ARF3: variants seen among roughly 807,000 people sequenced by gnomAD.
ARF3 encodes the protein ARF GTPase 3, also known as ADP-ribosylation factor 3.
A neutral mutation model predicts 19.3 loss-of-function variants in ARF3; 5 were observed. The observed-to-expected ratio is 0.26, with a 90% CI of 0.14 to 0.54. The LOEUF is 0.54. Ranked by LOEUF, ARF3 falls within the 20% of genes least tolerant of loss-of-function variation. ARF3 has a pLI of 0.95. For synonymous variants in ARF3, 71 were observed against 89.2 expected (o/e 0.80, Z 1.15); for missense variants, 77 against 234.2 (o/e 0.33, Z 4.38).
chr12:48,949,159 G>A (rs1278668205), intron 1 of ARF3, among the ~76,000 whole-genome samples: 1 of 152,242 alleles, frequency 6.6e-6, no homozygotes, highest in African/African-American at 2.4e-5. Flanking sequence ...CTAGGGCTGG[G>A]TGGCATTTCT....
chr12:48,957,145 G>C (rs891453245), intron 1 of ARF3, 165 bp downstream of exon 1: 1 of 151,538 alleles, frequency 6.6e-6, no homozygotes, highest in East Asian at 2.0e-4. Context: ...GGGCAGGCGT[G>C]AAGCTGGCCC....
At position 48,938,504 on chromosome 12, in the gene ARF3, A is replaced by G; in HGVS notation, c.*443T>C. ...CGCACACATGCACGCAAACACAGAG[A>G]GGCCCGTGCAATTTCCATGTAAAAC... On this transcript the variant is annotated 3_prime_UTR_variant, in exon 5 of 5. Coordinates refer to ENST00000256682, the MANE Select transcript of ARF3 (RefSeq NM_001659.3). 2.2e-6 allele frequency: 1 copy of G among 451,454 alleles called. No individual in the cohort carries two copies. 28.0% of individuals were successfully genotyped at this position (451,454 alleles called of 1,614,324 possible).
At position 48,938,875 on chromosome 12, in the gene ARF3, G is replaced by A; in HGVS notation, c.*72C>T. On this transcript the variant is annotated 3_prime_UTR_variant, in exon 5 of 5. Transcript: ENST00000256682. Reference sequence around the variant, plus strand: ...GGCCACACTTGCATGGAGAGGAAGGGGTAGGACTGGGGCAGGGTGACAGTA... The same window carrying A: ...GGCCACACTTGCATGGAGAGGAAGGAGTAGGACTGGGGCAGGGTGACAGTA... 6.4e-7 allele frequency: 1 copy of A among 1,562,138 alleles called. No individual in the cohort carries two copies. The highest frequency in any genetic ancestry group is 1.2e-5 in the South Asian group (1 of 82,250).
chr12:48,954,747 TG>T (rs1173925434), intron 1 of ARF3, among the ~76,000 whole-genome samples: 3 of 152,182 alleles, frequency 2.0e-5, no homozygotes, highest in African/African-American at 7.2e-5. Flanking sequence ...AGTTCAGGCA[TG>T]GTGGTTCATG....
chr12:48,945,003 A>T (rs1940332013), intron 1 of ARF3, among the ~76,000 whole-genome samples: 1 of 140,234 alleles, frequency 7.1e-6, no homozygotes, highest in South Asian at 2.3e-4. Context: ...TATAAAAATT[A>T]GCTGGGCATG....
At chr12:48,951,560 T>C (rs1036414833) in intron 1 of ARF3, among the ~76,000 whole-genome samples, 3 of 139,726 alleles carry the variant, frequency 2.1e-5, no homozygotes, top group Non-Finnish European at 3.1e-5. Context: ...CGCAACTCCA[T>C]CACAAAAATA....
At chr12:48,956,455 C>A (rs1940568911) in intron 1 of ARF3, 1 of 152,210 alleles carries the variant, frequency 6.6e-6, no homozygotes, top group Non-Finnish European at 1.5e-5. Context: ...GGGAACTCCA[C>A]CTCCCCAACT....
At chr12:48,943,842 A>T (rs781179464) in intron 1 of ARF3, among the ~76,000 whole-genome samples, 1 of 152,166 alleles carries the variant, frequency 6.6e-6, no homozygotes, top group Non-Finnish European at 1.5e-5. Context: ...GGGTTCACAC[A>T]CCAGGAAGAA....
chr12:48,944,384 G>A (rs556377182), intron 1 of ARF3, among the ~76,000 whole-genome samples: 1 of 152,300 alleles, frequency 6.6e-6, no homozygotes, highest in Non-Finnish European at 1.5e-5. Context: ...TGATCCCAGT[G>A]TTACACCTAT....
intron 1 of ARF3, among the ~76,000 whole-genome samples, chr12:48,952,323 A>T (rs1940486363): frequency 6.6e-6 from 1 of 152,226 alleles, no homozygotes; most frequent in South Asian, 2.1e-4. Flanking sequence ...GAGTCAGAAA[A>T]GATGACAAGG....
chr12:48,938,813 C>T lies in ARF3; in HGVS notation c.*134G>A. 3.4e-6 allele frequency: 4 copies of T among 1,177,892 alleles called. No homozygotes were observed. Among genetic ancestry groups the T allele is most frequent in the South Asian group, 1.6e-5 (1 of 63,376 alleles). The allele number at this position is 1,177,892 out of a possible 1,614,324, so 73.0% of individuals were successfully genotyped here. A position where few individuals can be genotyped will look rare whatever the true frequency, so the allele number is the denominator to read the frequency against. ...AGGAGGGGAGGCAGGGGAGGCAAGG[C>T]TCTTGCTGGGCATGTGGACATGATA... is the stretch of plus-strand genomic sequence containing the variant. On this transcript the variant is annotated 3_prime_UTR_variant, in exon 5 of 5. Coordinates refer to ENST00000256682, the MANE Select transcript of ARF3 (RefSeq NM_001659.3).
chr12:48,954,421 T>G (rs993199228), intron 1 of ARF3, among the ~76,000 whole-genome samples: 4 of 152,238 alleles, frequency 2.6e-5, no homozygotes, highest in African/African-American at 9.6e-5. Context: ...ATTAGGATTA[T>G]GATAATGGAT....
chr12:48,940,797 T>C (rs1359430720), intron 2 of ARF3, 151 bp downstream of exon 2: 4 of 1,018,670 alleles, frequency 3.9e-6, no homozygotes, highest in East Asian at 5.8e-5. Context: ...CAGCACCTGG[T>C]AGTAAGCTAA....
chr12:48,938,507 C>T lies in ARF3; in HGVS notation c.*440G>A, dbSNP rs1257169194. The T allele has an allele frequency of 4.4e-6, 2 of 450,954 alleles. No homozygotes were observed. Among genetic ancestry groups the T allele is most frequent in the Non-Finnish European group, 8.9e-6 (2 of 223,584 alleles). 27.9% of individuals were successfully genotyped at this position (450,954 alleles called of 1,614,324 possible). ...ACACATGCACGCAAACACAGAGAGGCCCGTGCAATTTCCATGTAAAACAGG... is the reference window on the plus strand; with the variant it reads ...ACACATGCACGCAAACACAGAGAGGTCCGTGCAATTTCCATGTAAAACAGG... On this transcript the variant is annotated 3_prime_UTR_variant, in exon 5 of 5. Transcript: ENST00000256682.
chr12:48,948,475 C>T (rs1341617062), intron 1 of ARF3, among the ~76,000 whole-genome samples: 3 of 151,908 alleles, frequency 2.0e-5, no homozygotes, highest in Non-Finnish European at 4.4e-5. Context: ...AGGTTGGTCT[C>T]GAACTTCTGA....
In ARF3 at chr12:48,937,354, C is replaced by G. The variant is rs1343354326; in HGVS notation, c.*1593G>C. The G allele has an allele frequency of 6.6e-6, 1 of 152,460 alleles. No individual in the cohort carries two copies. The highest frequency in any genetic ancestry group is 1.5e-5 in the Non-Finnish European group (1 of 68,126). The allele number at this position is 152,460 out of a possible 1,614,324, so 9.4% of individuals were successfully genotyped here. A position where few individuals can be genotyped will look rare whatever the true frequency, so the allele number is the denominator to read the frequency against. On this transcript the variant is annotated 3_prime_UTR_variant, in exon 5 of 5. Coordinates refer to ENST00000256682, the MANE Select transcript of ARF3 (RefSeq NM_001659.3). ...GTCTCGGAGCTCAGGGCGCAGCCAG[C>G]ACACACAGGAGCCCACAGGACAGCC...
chr12:48,938,949 ACTT>A lies in ARF3; in HGVS notation c.541_543del (p.Lys181del). 6.2e-7 allele frequency: 1 copy of A among 1,611,796 alleles called. No individual in the cohort carries two copies. On this transcript the variant is annotated inframe_deletion, in exon 5 of 5. Coordinates refer to ENST00000256682, the MANE Select transcript of ARF3 (RefSeq NM_001659.3). ...GCTTTGTTAGGGCTGTCTGGCTTTCACTTCTTGTTTTTGAGCTGATTGGCCAGC... is the reference window on the plus strand; with the variant it reads ...GCTTTGTTAGGGCTGTCTGGCTTTCACTTGTTTTTGAGCTGATTGGCCAGC...
rs1206877395 is a variant in ARF3, at chr12:48,937,709, A to C, written c.*1238T>G. The C allele has an allele frequency of 6.6e-6, 1 of 152,252 alleles. No homozygotes were observed. The highest frequency in any genetic ancestry group is 2.4e-5 in the African/African-American group (1 of 41,438). The allele number at this position is 152,252 out of a possible 1,614,324, so 9.4% of individuals were successfully genotyped here. A position where few individuals can be genotyped will look rare whatever the true frequency, so the allele number is the denominator to read the frequency against. On this transcript the variant is annotated 3_prime_UTR_variant, in exon 5 of 5. Coordinates refer to ENST00000256682, the MANE Select transcript of ARF3 (RefSeq NM_001659.3). ...TCCTGGACTAGAAAACAAGAGTTGG[A>C]GAAGAGGGGGGTTGATACTAAGGTC...
rs1940161053 is a variant in ARF3 at position 48,937,208 on chromosome 12, C to T, written c.*1739G>A. On this transcript the variant is annotated 3_prime_UTR_variant, in exon 5 of 5. Transcript: ENST00000256682. ...CTAATATTGATCCATCTGCTATCAA[C>T]AAAAGTGGCCAGGAAACCTGGCCCC... The T allele has an allele frequency of 6.6e-6, 1 of 152,268 alleles. No homozygotes were observed. Among genetic ancestry groups the T allele is most frequent in the Non-Finnish European group, 1.5e-5 (1 of 68,070 alleles). 9.4% of individuals were successfully genotyped at this position (152,268 alleles called of 1,614,324 possible).
Sources: allele counts gnomAD v4.1 joint callset (sites outside exome capture counted in the v4.1 genomes callset), GRCh38; gene constraint gnomAD v4.1.1; transcripts MANE v1.5; gene names NCBI Gene and HGNC (gene_info 2026-07-23, HGNC 2026-07-21).